Variants in PLXNA4 observed in about 807,000 individuals in gnomAD.
PLXNA4 encodes plexin A4.
PLXNA4 carries 44 observed loss-of-function variants against 191.8 expected under a neutral mutation model. The observed-to-expected ratio is 0.23, with a 90% confidence interval of 0.18 to 0.29. The LOEUF (loss-of-function observed/expected upper bound fraction) is 0.29, where lower values mean the gene tolerates loss of function less well. Among genes scored for constraint, PLXNA4 ranks in the 10% least tolerant of loss-of-function variants. The pLI, the probability that PLXNA4 is intolerant of heterozygous loss-of-function variation, is 1.00. For missense variants in PLXNA4, 1,800 were observed against 2,488.8 expected (o/e 0.72, Z 5.89); for synonymous variants, 1,082 against 1,009.5 (o/e 1.07, Z -1.36).
intron 4 of PLXNA4, among the ~76,000 whole-genome samples, chr7:132,249,518 C>T (rs1021509601): frequency 1.3e-4 from 20 of 152,200 alleles, no homozygotes; most frequent in Non-Finnish European, 2.6e-4. Context: ...TCACCCCATC[C>T]TCAGGCTTCC....
rs1794782618 is a variant in PLXNA4 at position 132,126,882 on chromosome 7, A to G, written c.*3597T>C. 6.6e-6 allele frequency: 1 copy of G among 152,184 alleles called. No homozygotes were observed. Among genetic ancestry groups the G allele is most frequent in the Non-Finnish European group, 1.5e-5 (1 of 68,042 alleles). 9.4% of individuals were successfully genotyped at this position (152,184 alleles called of 1,614,324 possible). A position where few individuals can be genotyped will look rare whatever the true frequency, so the allele number is the denominator to read the frequency against. ...AAATTTAAAACCATACTGAAAGAAG[A>G]AGGCAAGAAAATATTTTCCTGAGGA... On this transcript the variant is annotated 3_prime_UTR_variant, in exon 32 of 32. Transcript: ENST00000321063.
intron 2 of PLXNA4, among the ~76,000 whole-genome samples, chr7:132,623,510 A>G (rs181531352): frequency 2.0e-3 from 300 of 152,336 alleles, no homozygotes; most frequent in African/African-American, 6.5e-3. Flanking sequence ...GGACTCACCC[A>G]TAAGTCACAT....
intron 30 of PLXNA4, among the ~76,000 whole-genome samples, chr7:132,139,866 T>C (rs1194216498): frequency 6.6e-6 from 1 of 152,242 alleles, no homozygotes; most frequent in Non-Finnish European, 1.5e-5. Flanking sequence ...CTCTCCCTAG[T>C]ACAGGGCTTC....
chr7:132,354,633 C>T, intron 3 of PLXNA4, among the ~76,000 whole-genome samples: 1 of 152,138 alleles, frequency 6.6e-6, no homozygotes, highest in African/African-American at 2.4e-5. Flanking sequence ...CTAATGTACC[C>T]CTGCTCTGCA....
At position 132,127,283 on chromosome 7, in the gene PLXNA4, T is replaced by TCATGA. The variant is rs1388134055; in HGVS notation, c.*3191_*3195dup. 6.6e-6 allele frequency: 1 copy of TCATGA among 152,194 alleles called. No homozygotes were observed. Among genetic ancestry groups the TCATGA allele is most frequent in the African/African-American group, 2.4e-5 (1 of 41,434 alleles). The allele number at this position is 152,194 out of a possible 1,614,324, so 9.4% of individuals were successfully genotyped here. On this transcript the variant is annotated 3_prime_UTR_variant, in exon 32 of 32. Transcript: ENST00000321063. Reference sequence around the variant, plus strand: ...TGGCCTTTTCTCTCCTTCTGTCTGCTCATGACTCAACATAATGGTGACCCT... The same window carrying TCATGA: ...TGGCCTTTTCTCTCCTTCTGTCTGCTCATGACATGACTCAACATAATGGTGACCCT...
chr7:132,253,715 G>T (rs2117092216), intron 4 of PLXNA4, among the ~76,000 whole-genome samples: 1 of 152,250 alleles, frequency 6.6e-6, no homozygotes, highest in South Asian at 2.1e-4. Flanking sequence ...CATATTGGGT[G>T]GGAAAGTCAT....
intron 4 of PLXNA4, among the ~76,000 whole-genome samples, chr7:132,251,051 C>CTTTT (rs34455636): frequency 3.1e-5 from 4 of 130,066 alleles, no homozygotes; most frequent in Admixed American, 7.9e-5. Context: ...CTGTTCCAGC[C>CTTTT]TTTTTTTTTT....
chr7:132,466,541 CAG>C (rs1796711139), intron 3 of PLXNA4, among the ~76,000 whole-genome samples: 1 of 152,218 alleles, frequency 6.6e-6, no homozygotes, highest in African/African-American at 2.4e-5. Flanking sequence ...AGCCTGCAGT[CAG>C]TGTTGGCTGG....
chr7:132,503,794 GCT>G (rs1798349997), intron 2 of PLXNA4, among the ~76,000 whole-genome samples: 1 of 152,170 alleles, frequency 6.6e-6, no homozygotes, highest in African/African-American at 2.4e-5. Context: ...GACAATTGGG[GCT>G]CTGACAGACC....
chr7:132,409,955 C>T (rs913974856), intron 3 of PLXNA4, among the ~76,000 whole-genome samples: 1 of 152,196 alleles, frequency 6.6e-6, no homozygotes, highest in Non-Finnish European at 1.5e-5. Flanking sequence ...AGTCTTTGTG[C>T]CCTTGAAGTT....
chr7:132,284,020 A>T (rs1271533447), intron 4 of PLXNA4, among the ~76,000 whole-genome samples: 2 of 152,170 alleles, frequency 1.3e-5, no homozygotes, highest in Non-Finnish European at 2.9e-5. Flanking sequence ...CAAAATTTTT[A>T]AAAATTTAGC....
intron 11 of PLXNA4, 84 bp from the exon 12 acceptor site, chr7:132,202,920 G>T: frequency 7.4e-7 from 1 of 1,358,728 alleles, no homozygotes. Flanking sequence ...AAAGAGTGCA[G>T]TGCCAGCCTG....
intron 4 of PLXNA4, among the ~76,000 whole-genome samples, chr7:132,253,000 G>A (rs1275749871): frequency 3.4e-4 from 51 of 152,150 alleles, no homozygotes; most frequent in Admixed American, 3.3e-3. Flanking sequence ...CTGTGCAGCT[G>A]TGTATACATA....
At chr7:132,603,523 G>A (rs376008876) in intron 2 of PLXNA4, among the ~76,000 whole-genome samples, 3 of 152,262 alleles carry the variant, frequency 2.0e-5, no homozygotes, top group Middle Eastern at 3.4e-3. Flanking sequence ...AGAAGTGGAC[G>A]AGCCCAGCCT....
chr7:132,439,423 G>A (rs1301385233), intron 3 of PLXNA4, among the ~76,000 whole-genome samples: 1 of 152,028 alleles, frequency 6.6e-6, no homozygotes, highest in Non-Finnish European at 1.5e-5. Flanking sequence ...ATACACACAG[G>A]TACACATGGA....
chr7:132,241,660 C>A (rs566317298), intron 4 of PLXNA4, among the ~76,000 whole-genome samples: 3 of 152,218 alleles, frequency 2.0e-5, no homozygotes, highest in South Asian at 2.1e-4. Flanking sequence ...AGTCTGAGAC[C>A]AAGACCCTTC....
At chr7:132,320,292 C>A (rs1802111833) in intron 3 of PLXNA4, among the ~76,000 whole-genome samples, 2 of 152,226 alleles carry the variant, frequency 1.3e-5, no homozygotes, top group Admixed American at 6.5e-5. Context: ...CTTCCCACCT[C>A]CAGTGACTGC....
intron 4 of PLXNA4, among the ~76,000 whole-genome samples, chr7:132,242,977 C>T (rs1371192638): frequency 1.3e-5 from 2 of 152,156 alleles, no homozygotes; most frequent in African/African-American, 4.8e-5. Context: ...ACCCAAAGTA[C>T]CTGGACTCCT....
At chr7:132,635,959 TG>T (rs1803596519) in intron 2 of PLXNA4, among the ~76,000 whole-genome samples, 1 of 152,188 alleles carries the variant, frequency 6.6e-6, no homozygotes, top group African/African-American at 2.4e-5. Context: ...TCCAGGAGGC[TG>T]GGGGATGGAG....
Sources: allele counts gnomAD v4.1 joint callset (sites outside exome capture counted in the v4.1 genomes callset), GRCh38; gene constraint gnomAD v4.1.1; transcripts MANE v1.5; gene names NCBI Gene and HGNC (gene_info 2026-07-23, HGNC 2026-07-21).